BTBD19: variants seen among roughly 807,000 people sequenced by gnomAD.
BTBD19 encodes BTB/POZ domain-containing protein 19.
BTBD19 carries 20 observed loss-of-function variants against 36.1 expected under a neutral mutation model. The ratio of observed to expected loss-of-function variants is 0.55; its 90% CI spans 0.39 to 0.80. The LOEUF (loss-of-function observed/expected upper bound fraction) is 0.80, where lower values mean the gene tolerates loss of function less well. BTBD19 is among the 30% of genes least tolerant of loss of function. BTBD19 has a pLI of 0.00. For missense variants in BTBD19, 325 were observed against 389.8 expected (o/e 0.83, Z 1.40); for synonymous variants, 157 against 174.3 (o/e 0.90, Z 0.78).
At chr1:44,812,130 C>T (rs1435646085) in intron 4 of BTBD19, 32 bp downstream of exon 4, 2 of 1,289,966 alleles carry the variant, frequency 1.6e-6, no homozygotes, top group Non-Finnish European at 2.1e-6. Context: ...TGGTAGGAGT[C>T]TGGCTCTGTG....
At position 44,813,754 on chromosome 1, in the gene BTBD19, G is replaced by A; in HGVS notation, c.858G>A (p.Leu286=). 8 of 1,551,542 alleles carry A rather than the reference G, an allele frequency of 5.2e-6. No individual in the cohort carries two copies. The highest frequency in any genetic ancestry group is 7.0e-6 in the Non-Finnish European group (8 of 1,146,860). The change falls in exon 8 of 8, where the codon CTG becomes CTA. Residue 286 remains leucine (L), a synonymous_variant. Coordinates refer to ENST00000450269, the Ensembl canonical transcript of BTBD19. The surrounding 1 kb of genome is among the most constrained non-coding windows in gnomAD (Gnocchi z 7.8). ...TGCCCCGGGAGCATCACCGCTTTCTGGACCTGTCCTTCAAATGATCCAACG... is the reference window on the plus strand; with the variant it reads ...TGCCCCGGGAGCATCACCGCTTTCTAGACCTGTCCTTCAAATGATCCAACG...
intron 3 of BTBD19, among the ~76,000 whole-genome samples, chr1:44,811,190 C>G (rs1183202335): frequency 6.9e-6 from 1 of 145,868 alleles, no homozygotes; most frequent in South Asian, 2.1e-4. Context: ...CACTGCATTC[C>G]AGCCTGGGTG....
intron 3 of BTBD19, among the ~76,000 whole-genome samples, chr1:44,811,488 G>T (rs558481234): frequency 7.4e-4 from 113 of 152,278 alleles, no homozygotes; most frequent in African/African-American, 2.5e-3. Context: ...TGCAGAGGAC[G>T]CCAGGGCCTG....
At chr1:44,812,657 A>C in intron 4 of BTBD19, 1 of 430,192 alleles carries the variant, frequency 2.3e-6, no homozygotes, top group East Asian at 5.2e-5. Context: ...AGATTGCGCC[A>C]CTGCACACTC....
At chr1:44,814,195 T>TTTC (rs1392457698), downstream of BTBD19, 3 of 138,300 alleles carry the variant, frequency 2.2e-5, no homozygotes, top group East Asian at 5.8e-4. Flanking sequence ...TCTTTCTTTC[T>TTTC]TTCTTTCTTT....
Position 44,810,190 on chromosome 1 carries a change from G to T in BTBD19, c.87-23G>T. On this transcript the variant is annotated intron_variant, in intron 1 of 7. Coordinates refer to ENST00000450269, the Ensembl canonical transcript of BTBD19. The surrounding 1 kb of genome is among the most constrained non-coding windows in gnomAD (Gnocchi z 4.2). ...TCCGGGTGCTGGCCTCCTCCCCGCT[G>T]CCTCTCTGCCTGTCTCCCACAGTGA... 1 of 1,541,450 alleles carries T rather than the reference G, an allele frequency of 6.5e-7. No individual in the cohort carries two copies.
At position 44,813,290 on chromosome 1, in the gene BTBD19, G is replaced by A. The variant is rs1481377078; in HGVS notation, c.615+21G>A. On this transcript the variant is annotated intron_variant, in intron 6 of 7. Transcript: ENST00000450269. The surrounding 1 kb of genome is among the most constrained non-coding windows in gnomAD (Gnocchi z 7.8). ...GCGCGGTGAGTGGGGCTGGGGGAGC[G>A]CAAGGGCACGGAAGGAGGTGCTGGC... The A allele has an allele frequency of 1.3e-6, 2 of 1,536,876 alleles. No individual in the cohort carries two copies. The highest frequency in any genetic ancestry group is 1.7e-6 in the Non-Finnish European group (2 of 1,144,826).
chr1:44,813,489 C>A lies in BTBD19; in HGVS notation c.731C>A (p.Pro244Gln). Residue 244 changes from proline (P) to glutamine (Q), a missense_variant, in exon 7 of 8, where the codon CCA (proline) becomes CAA (glutamine). Pro to Gln is a moderately conservative substitution (Grantham distance 76). Coordinates refer to ENST00000450269, the Ensembl canonical transcript of BTBD19. This position sits in a 1 kb window ranked among gnomAD's most constrained non-coding sequence, Gnocchi z 7.8. ...CTGGAAGAGCAGAACCGGCAGGAAC[C>A]ACTCATCCCGGTGGGGACGCGGGGA... is the stretch of plus-strand genomic sequence containing the variant. The A allele has an allele frequency of 6.5e-7, 1 of 1,549,684 alleles. No individual in the cohort carries two copies.
At position 44,810,715 on chromosome 1, in the gene BTBD19, A is replaced by G; in HGVS notation, c.354+108A>G. The G allele has an allele frequency of 1.8e-6, 2 of 1,110,844 alleles. No homozygotes were observed. The highest frequency in any genetic ancestry group is 2.5e-6 in the Non-Finnish European group (2 of 805,976). The allele number at this position is 1,110,844 out of a possible 1,614,324, so 68.8% of individuals were successfully genotyped here. A position where few individuals can be genotyped will look rare whatever the true frequency, so the allele number is the denominator to read the frequency against. ...CCTGGAGAGGAACGTGTGCCCACAC[A>G]GAGAGAAGTATGTATATCTCTCCCA... On this transcript the variant is annotated intron_variant, in intron 3 of 7. Transcript: ENST00000450269. This position sits in a 1 kb window ranked among gnomAD's most constrained non-coding sequence, Gnocchi z 4.2.
chr1:44,811,917 C>A, intron 3 of BTBD19, 122 bp from the exon 4 acceptor site: 2 of 715,706 alleles, frequency 2.8e-6, no homozygotes, highest in Non-Finnish European at 4.4e-6. Flanking sequence ...TGGCCTGGGT[C>A]AGGATGGGTC....
At chr1:44,815,191 C>T (rs1055458422), downstream of BTBD19, 11 of 152,226 alleles carry the variant, frequency 7.2e-5, no homozygotes, top group Non-Finnish European at 1.5e-4. Flanking sequence ...ATCCATTTCC[C>T]ACAGTGCAGC....
rs778437549 is a variant in BTBD19 at position 44,810,771 on chromosome 1, G to A, written c.354+164G>A. ...GTAGGGCATGTATGTGTGCCTGTGT[G>A]CAAAAGGATCCATGCATGCCTGCCC... is the stretch of plus-strand genomic sequence containing the variant. On this transcript the variant is annotated intron_variant, in intron 3 of 7. Coordinates refer to ENST00000450269, the Ensembl canonical transcript of BTBD19. This position sits in a 1 kb window ranked among gnomAD's most constrained non-coding sequence, Gnocchi z 4.2. 2.7e-5 allele frequency: 15 copies of A among 555,946 alleles called. No individual in the cohort carries two copies. Among genetic ancestry groups the A allele is most frequent in the South Asian group, 9.7e-5 (5 of 51,770 alleles). The allele number at this position is 555,946 out of a possible 1,614,324, so 34.4% of individuals were successfully genotyped here. A position where few individuals can be genotyped will look rare whatever the true frequency, so the allele number is the denominator to read the frequency against.
At chr1:44,811,802 G>C in intron 3 of BTBD19, 1 of 325,048 alleles carries the variant, frequency 3.1e-6, no homozygotes, top group South Asian at 2.4e-5. Context: ...ATCTGGTTTT[G>C]ATTAGTGGCG....
At position 44,813,895 on chromosome 1, in the gene BTBD19, C is replaced by T; in HGVS notation, c.*123C>T. On this transcript the variant is annotated 3_prime_UTR_variant, in exon 8 of 8. Coordinates refer to ENST00000450269, the Ensembl canonical transcript of BTBD19. This position sits in a 1 kb window ranked among gnomAD's most constrained non-coding sequence, Gnocchi z 7.8. ...TTCCCAGCGTGCCCAGTGAGCCGGGCGCCGGAAGAACCGTTGTCTGCCACG... is the reference window on the plus strand; with the variant it reads ...TTCCCAGCGTGCCCAGTGAGCCGGGTGCCGGAAGAACCGTTGTCTGCCACG... 2.1e-6 allele frequency: 3 copies of T among 1,419,114 alleles called. No homozygotes were observed. Among genetic ancestry groups the T allele is most frequent in the Non-Finnish European group, 2.9e-6 (3 of 1,040,714 alleles). The allele number at this position is 1,419,114 out of a possible 1,614,324, so 87.9% of individuals were successfully genotyped here.
intron 4 of BTBD19, among the ~76,000 whole-genome samples, 182 bp from the exon 5 acceptor site, chr1:44,812,786 CGTGTGTGTGTGTGTGTGTGTGTGTGTGT>C (rs6143210): frequency 7.4e-6 from 1 of 134,976 alleles, no homozygotes; most frequent in Admixed American, 7.4e-5. Flanking sequence ...AGTGAGTCCA[CGTGTGTGTGTGTGTGTGTGTGTGTGTGT>C]GTGTGTGTGT....
downstream of BTBD19, chr1:44,814,202 C>CTTTCTT (rs1405393424): frequency 1.8e-3 from 260 of 143,230 alleles, no homozygotes; most frequent in Non-Finnish European, 2.7e-3. Flanking sequence ...TTCTTTCTTT[C>CTTTCTT]TTTCTTTCTT....
At position 44,813,295 on chromosome 1, in the gene BTBD19, G is replaced by A. The variant is rs1249202629; in HGVS notation, c.615+26G>A. On this transcript the variant is annotated intron_variant, in intron 6 of 7. Transcript: ENST00000450269. The surrounding 1 kb of genome is among the most constrained non-coding windows in gnomAD (Gnocchi z 7.8). Reference sequence around the variant, plus strand: ...GTGAGTGGGGCTGGGGGAGCGCAAGGGCACGGAAGGAGGTGCTGGCCACGA... The same window carrying A: ...GTGAGTGGGGCTGGGGGAGCGCAAGAGCACGGAAGGAGGTGCTGGCCACGA... 1 of 1,537,390 alleles carries A rather than the reference G, an allele frequency of 6.5e-7. No individual in the cohort carries two copies. The highest frequency in any genetic ancestry group is 1.4e-5 in the African/African-American group (1 of 72,974).
intron 3 of BTBD19, 74 bp from the exon 4 acceptor site, chr1:44,811,961 GCTCA>G: frequency 8.6e-7 from 1 of 1,160,946 alleles, no homozygotes; most frequent in Non-Finnish European, 1.2e-6. Context: ...CTCCAAGCCT[GCTCA>G]CTGCTTCTGG....
At position 44,813,941 on chromosome 1, in the gene BTBD19, C is replaced by T; in HGVS notation, c.*169C>T. 1 of 1,166,168 alleles carries T rather than the reference C, an allele frequency of 8.6e-7. No homozygotes were observed. The allele number at this position is 1,166,168 out of a possible 1,614,324, so 72.2% of individuals were successfully genotyped here. On this transcript the variant is annotated 3_prime_UTR_variant, in exon 8 of 8. Coordinates refer to ENST00000450269, the Ensembl canonical transcript of BTBD19. The surrounding 1 kb of genome is among the most constrained non-coding windows in gnomAD (Gnocchi z 7.8). ...CCACGCGCAGCCCCTTGTGCGGGAT[C>T]AAGCCCGTGTGGGCGAGGTGGGGTC...
Sources: gnomAD v4.1 joint callset for allele counts (sites outside exome capture counted in the v4.1 genomes callset) on GRCh38, gnomAD v4.1.1 for gene constraint, Gnocchi (gnomAD v3.1) non-coding constraint, MANE v1.5 for transcripts, NCBI Gene and HGNC (gene_info 2026-07-23, HGNC 2026-07-21) for gene names.